POU6F2: variants seen among roughly 807,000 people sequenced by gnomAD.
The protein encoded by POU6F2 is POU class 6 homeobox 2.
Under a neutral mutation model 71.3 loss-of-function variants are expected in POU6F2, and 31 were observed. The observed-to-expected ratio is 0.43, with a 90% CI of 0.33 to 0.59. The LOEUF is 0.59. POU6F2 is among the 20% of genes least tolerant of loss of function. POU6F2 has a pLI of 0.04. For synonymous variants in POU6F2, 347 were observed against 355.7 expected (o/e 0.98, Z 0.27); for missense variants, 783 against 856.8 (o/e 0.91, Z 1.07).
chr7:39,346,377 C>T (rs901830765), intron 5 of POU6F2, among the ~76,000 whole-genome samples: 6 of 152,136 alleles, frequency 3.9e-5, no homozygotes, highest in African/African-American at 1.2e-4. Flanking sequence ...CGTCAAGTAG[C>T]GATAGATGAT....
chr7:39,062,908 G>T (rs1223012031), intron 1 of POU6F2, among the ~76,000 whole-genome samples: 2 of 151,638 alleles, frequency 1.3e-5, no homozygotes, highest in East Asian at 3.9e-4. Context: ...GAGGAGTGGG[G>T]AGAATAAGAT....
chr7:39,250,274 C>T (rs2095462362), intron 4 of POU6F2, among the ~76,000 whole-genome samples: 1 of 152,184 alleles, frequency 6.6e-6, no homozygotes, highest in African/African-American at 2.4e-5. Flanking sequence ...CTGTGCAGCC[C>T]ACCCAAACCC....
intron 4 of POU6F2, among the ~76,000 whole-genome samples, chr7:39,246,601 C>T (rs1208126734): frequency 6.6e-6 from 1 of 152,068 alleles, no homozygotes; most frequent in African/African-American, 2.4e-5. Context: ...GATAAAAGAA[C>T]AACCTAACTA....
chr7:39,367,509 G>A lies in POU6F2; in HGVS notation c.972+27494G>A, dbSNP rs12668900. Among the ~76,000 whole-genome samples the A allele has an allele frequency of 2.0e-5, 3 of 152,252 alleles. No homozygotes were observed. In the East Asian group the frequency reaches 5.8e-4, roughly 29 times the overall value. On this transcript the variant is annotated intron_variant, in intron 5 of 9. Transcript: ENST00000518318. ...ACCTTTTAGTACTAGCACTATAAAA[G>A]GTGTAAAATGTAAATCTTTTAAAAG...
At chr7:39,325,016 G>A (rs970164056) in intron 4 of POU6F2, among the ~76,000 whole-genome samples, 2 of 152,088 alleles carry the variant, frequency 1.3e-5, no homozygotes, top group Admixed American at 1.3e-4. Context: ...GAATTCTATT[G>A]TAGAGATGGA....
chr7:38,983,473 A>T (rs1788379412), intron 1 of POU6F2, among the ~76,000 whole-genome samples: 1 of 151,676 alleles, frequency 6.6e-6, no homozygotes, highest in African/African-American at 2.4e-5. Flanking sequence ...AGCCTATGTA[A>T]ATTGCTCTGT....
At chr7:39,107,320 C>T (rs1791711659) in intron 2 of POU6F2, among the ~76,000 whole-genome samples, 1 of 152,128 alleles carries the variant, frequency 6.6e-6, no homozygotes, top group Non-Finnish European at 1.5e-5. Flanking sequence ...ATTGGAATTA[C>T]AAGCATTAGC....
At chr7:39,261,400 A>C (rs1453800553) in intron 4 of POU6F2, among the ~76,000 whole-genome samples, 3 of 152,218 alleles carry the variant, frequency 2.0e-5, no homozygotes, top group Non-Finnish European at 4.4e-5. Flanking sequence ...CCAAGTCATA[A>C]TGTGGATTTG....
rs1012739122 is a variant in POU6F2 at position 39,170,366 on chromosome 7, A to C, written c.278-33869A>C. Among the ~76,000 whole-genome samples the C allele has an allele frequency of 2.0e-5, 3 of 152,316 alleles. No individual in the cohort carries two copies. The South Asian group carries it at 6.2e-4, about 32-fold the overall frequency. On this transcript the variant is annotated intron_variant, in intron 2 of 9. Coordinates refer to ENST00000518318, the MANE Select transcript of POU6F2 (RefSeq NM_001370959.1). ...ATACCCAGAATCCTTTGCAAACTAC[A>C]TGCTGTATATTGGTTGCAATAATAA... is the stretch of plus-strand genomic sequence containing the variant.
chr7:39,211,287 A>G (rs1459769789), intron 4 of POU6F2, among the ~76,000 whole-genome samples: 1 of 152,128 alleles, frequency 6.6e-6, no homozygotes, highest in Non-Finnish European at 1.5e-5. Context: ...ACAATGGATG[A>G]CCCACATGAA....
At chr7:39,212,638 A>C (rs1794162642) in intron 4 of POU6F2, among the ~76,000 whole-genome samples, 1 of 152,100 alleles carries the variant, frequency 6.6e-6, no homozygotes, top group African/African-American at 2.4e-5. Context: ...GCCTCTGATG[A>C]CTGTAAGCAA....
intron 1 of POU6F2, among the ~76,000 whole-genome samples, chr7:38,983,995 A>G (rs1012872734): frequency 6.6e-6 from 1 of 152,148 alleles, no homozygotes; most frequent in South Asian, 2.1e-4. Flanking sequence ...AAAGACAGAC[A>G]TTAGCTGTTG....
At chr7:39,234,841 TC>T (rs1794644197) in intron 4 of POU6F2, among the ~76,000 whole-genome samples, 1 of 152,228 alleles carries the variant, frequency 6.6e-6, no homozygotes, top group African/African-American at 2.4e-5. Flanking sequence ...ATAATGTTAT[TC>T]TAGAAGTAAA....
intron 4 of POU6F2, among the ~76,000 whole-genome samples, chr7:39,306,515 A>C (rs1028868253): frequency 1.3e-5 from 2 of 152,166 alleles, no homozygotes; most frequent in African/African-American, 4.8e-5. Flanking sequence ...CCATCCTACC[A>C]CTATTACATC....
chr7:39,043,155 T>A (rs1790223963), intron 1 of POU6F2, among the ~76,000 whole-genome samples: 1 of 152,008 alleles, frequency 6.6e-6, no homozygotes, highest in Admixed American at 6.6e-5. Flanking sequence ...AGTACAGTTT[T>A]AACATGCTAT....
chr7:39,397,681 C>A (rs1420288245), intron 5 of POU6F2, among the ~76,000 whole-genome samples: 2 of 148,624 alleles, frequency 1.3e-5, no homozygotes, highest in African/African-American at 4.9e-5. Flanking sequence ...TTAGTAGAAA[C>A]GGGGTTTTAC....
chr7:39,061,909 A>T (rs1790664215), intron 1 of POU6F2, among the ~76,000 whole-genome samples: 2 of 152,194 alleles, frequency 1.3e-5, no homozygotes, highest in Admixed American at 6.5e-5. Context: ...TCGCTTTGAA[A>T]CAATCATTAT....
In POU6F2 at chr7:39,206,107, G is replaced by A. The variant is rs571519463; in HGVS notation, c.370-1285G>A. 1.2e-4 allele frequency among the ~76,000 whole-genome samples: 19 copies of A among 152,298 alleles called. No individual in the cohort carries two copies. The South Asian group carries it at 3.9e-3, about 32-fold the overall frequency. On this transcript the variant is annotated intron_variant, in intron 3 of 9. Transcript: ENST00000518318. ...GCCTGGCTATTATACATTGAGCTTA[G>A]TAGTATGCCTGTATTTAATTTCCTA...
At chr7:39,321,539 T>G (rs1785390750) in intron 4 of POU6F2, among the ~76,000 whole-genome samples, 2 of 152,092 alleles carry the variant, frequency 1.3e-5, no homozygotes, top group African/African-American at 4.8e-5. Context: ...TGAAGGGAGA[T>G]GATGTGTACT....
Sources: allele counts gnomAD v4.1 joint callset (sites outside exome capture counted in the v4.1 genomes callset), GRCh38; gene constraint gnomAD v4.1.1; transcripts MANE v1.5; gene names NCBI Gene and HGNC (gene_info 2026-07-23, HGNC 2026-07-21).